The following STON1 variants were observed in gnomAD, a reference collection of about 807,000 sequenced individuals.
The protein encoded by STON1 is stonin-1.
Under a neutral mutation model 60.9 loss-of-function variants are expected in STON1, and 79 were observed. That is an observed-to-expected ratio of 1.30 (90% CI 1.08 to 1.56). The LOEUF (loss-of-function observed/expected upper bound fraction) is 1.56, where lower values mean the gene tolerates loss of function less well. STON1 is among the 40% of genes most tolerant of loss of function. STON1 has a pLI of 0.00. For missense variants in STON1, 1,166 were observed against 858.9 expected (o/e 1.36, Z -4.47); for synonymous variants, 363 against 306.9 (o/e 1.18, Z -1.91).
intron 1 of STON1, among the ~76,000 whole-genome samples, chr2:48,539,655 G>C (rs956731693): frequency 5.9e-5 from 9 of 151,950 alleles, no homozygotes; most frequent in African/African-American, 2.2e-4. Flanking sequence ...GGGCATGCCA[G>C]CACACCAGGC....
intron 2 of STON1, among the ~76,000 whole-genome samples, chr2:48,591,257 A>G (rs1176496438): frequency 3.3e-5 from 5 of 149,794 alleles, no homozygotes; most frequent in Middle Eastern, 3.5e-3. Context: ...TTAGTATAAT[A>G]TAGTAATTAT....
rs565804445 is a variant in STON1, at chr2:48,590,393, G to A, written c.1931-1260G>A. Among the ~76,000 whole-genome samples, 13 of 152,258 alleles carry A rather than the reference G, an allele frequency of 8.5e-5. No homozygotes were observed. The South Asian group carries it at 2.7e-3, about 32-fold the overall frequency. ...GTAATTTATCTTTTAAGAATTAAGT[G>A]AAATCCTTTAAACTCTTGTTTTTGT... On this transcript the variant is annotated intron_variant, in intron 2 of 3. Transcript: ENST00000404752.
intron 1 of STON1, among the ~76,000 whole-genome samples, chr2:48,571,856 C>T (rs1179332829): frequency 1.3e-5 from 2 of 152,012 alleles, no homozygotes; most frequent in African/African-American, 2.4e-5. Context: ...GTAAGAGAAA[C>T]GGAAGCAAGT....
At chr2:48,585,312 A>G (rs779033491) in intron 2 of STON1, among the ~76,000 whole-genome samples, 6 of 151,710 alleles carry the variant, frequency 4.0e-5, no homozygotes, top group Non-Finnish European at 7.4e-5. Flanking sequence ...CAGTGGTGCA[A>G]TCTTGGCTCA....
chr2:48,546,987 G>A (rs1671888307), intron 1 of STON1, among the ~76,000 whole-genome samples: 1 of 152,202 alleles, frequency 6.6e-6, no homozygotes. Context: ...CATAGTAGGT[G>A]CTTAGTGAGT....
chr2:48,532,408 G>T (rs1671251071), intron 1 of STON1, among the ~76,000 whole-genome samples: 1 of 144,368 alleles, frequency 6.9e-6, no homozygotes, highest in African/African-American at 2.6e-5. Context: ...CAAGTGTTGT[G>T]ACTGTGACTT....
intron 2 of STON1, among the ~76,000 whole-genome samples, chr2:48,588,615 G>T (rs1674341964): frequency 6.6e-6 from 1 of 152,116 alleles, no homozygotes; most frequent in Non-Finnish European, 1.5e-5. Flanking sequence ...CCTTCCGAGT[G>T]CTGGGATTAT....
chr2:48,548,633 G>C (rs1479021154), intron 1 of STON1, among the ~76,000 whole-genome samples: 1 of 151,774 alleles, frequency 6.6e-6, no homozygotes. Context: ...AGAGTAACTG[G>C]GATTACAGGC....
At chr2:48,541,170 G>A (rs1671634574) in intron 1 of STON1, among the ~76,000 whole-genome samples, 1 of 151,676 alleles carries the variant, frequency 6.6e-6, no homozygotes, top group African/African-American at 2.4e-5. Context: ...GGCCAACATG[G>A]TGAAACCCTG....
chr2:48,532,388 A>C (rs1412036130), intron 1 of STON1, among the ~76,000 whole-genome samples: 1 of 141,414 alleles, frequency 7.1e-6, no homozygotes, highest in Non-Finnish European at 1.5e-5. Context: ...ATAAATAAAT[A>C]ATTGATAGGC....
At chr2:48,557,064 CG>C (rs1672398440) in intron 1 of STON1, among the ~76,000 whole-genome samples, 1 of 90,186 alleles carries the variant, frequency 1.1e-5, no homozygotes, top group Non-Finnish European at 2.3e-5. Context: ...GCTGGCCGGG[CG>C]GGGGGCTGAC....
chr2:48,558,472 T>A (rs1039783034), intron 1 of STON1, among the ~76,000 whole-genome samples: 4 of 152,146 alleles, frequency 2.6e-5, no homozygotes, highest in Non-Finnish European at 5.9e-5. Flanking sequence ...TGCATTTGAT[T>A]TTGTGGCACA....
At chr2:48,564,479 CTTTCTTCTTCTT>C (rs1672785493) in intron 1 of STON1, among the ~76,000 whole-genome samples, 6 of 25,200 alleles carry the variant, frequency 2.4e-4, no homozygotes, top group African/African-American at 5.8e-4. Flanking sequence ...TCTTCTTCTT[CTTTCTTCTTCTT>C]CTTCTTCTTC....
intron 2 of STON1, among the ~76,000 whole-genome samples, chr2:48,589,662 C>CT (rs1485259306): frequency 1.3e-5 from 2 of 152,172 alleles, no homozygotes; most frequent in African/African-American, 2.4e-5. Context: ...TTTTGTACCA[C>CT]TAAGTCTTCA....
chr2:48,531,349 A>T (rs1269197324), intron 1 of STON1: 1 of 152,294 alleles, frequency 6.6e-6, no homozygotes, highest in Non-Finnish European at 1.5e-5. Context: ...GGAGAGGCTC[A>T]AACGAGCTGG....
In STON1 at chr2:48,564,726, TTTCTTTC is replaced by T. The variant is rs1406122003; in HGVS notation, c.-47-15858_-47-15852del. 3.7e-5 allele frequency among the ~76,000 whole-genome samples: 5 copies of T among 136,458 alleles called. No homozygotes were observed. The South Asian group carries it at 9.0e-4, about 24-fold the overall frequency. 89.5% of individuals were successfully genotyped at this position (136,458 alleles called of 152,430 possible). ...TTCTTCCTTATTTCTTCTTTCTTTC[TTTCTTTC>T]TTTTTTTTTTTTTTTTTAAGATGGA... On this transcript the variant is annotated intron_variant, in intron 1 of 3. Coordinates refer to ENST00000404752, the MANE Select transcript of STON1 (RefSeq NM_006873.4).
At chr2:48,589,185 C>T (rs929954727) in intron 2 of STON1, among the ~76,000 whole-genome samples, 1 of 152,194 alleles carries the variant, frequency 6.6e-6, no homozygotes, top group East Asian at 1.9e-4. Flanking sequence ...TCCTCCTCCA[C>T]TCTGTCATCC....
In STON1 at chr2:48,577,603, A is replaced by C. The variant is rs189926687; in HGVS notation, c.-47-2984A>C. 4.5e-4 allele frequency among the ~76,000 whole-genome samples: 69 copies of C among 151,998 alleles called. 1 individual carries two copies. Among genetic ancestry groups the C allele is most frequent in the South Asian group, 2.5e-3 (12 of 4,810 alleles). The stretch of plus-strand genomic sequence containing the variant: ...CTCATAAAAAAAAAAAGAAAAAAAA[A>C]CAGGTTTTTTTGTTTGTTTGTTTTT... On this transcript the variant is annotated intron_variant, in intron 1 of 3. Transcript: ENST00000404752.
At chr2:48,564,403 GTGTCTTCTTCTTCTTCTT>G (rs1370859725) in intron 1 of STON1, among the ~76,000 whole-genome samples, 5 of 130,030 alleles carry the variant, frequency 3.8e-5, no homozygotes, top group African/African-American at 1.4e-4. Context: ...GGCAGTGGCG[GTGTCTTCTTCTTCTTCTT>G]CTTCTTCTTC....
Sources: allele counts gnomAD v4.1 joint callset (sites outside exome capture counted in the v4.1 genomes callset), GRCh38; gene constraint gnomAD v4.1.1; transcripts MANE v1.5; gene names NCBI Gene and HGNC (gene_info 2026-07-23, HGNC 2026-07-21).